The following RASSF3 variants were observed in gnomAD, a reference collection of about 807,000 sequenced individuals.
RASSF3 encodes ras association domain-containing protein 3.
RASSF3 carries 19 observed loss-of-function variants against 19.9 expected under a neutral mutation model. That is an observed-to-expected ratio of 0.96 (90% CI 0.67 to 1.40). RASSF3 has a LOEUF of 1.40. Ranked by LOEUF, RASSF3 falls within the 40% of genes most tolerant of loss-of-function variation. The probability of loss-of-function intolerance (pLI) is 0.00; values close to 1 mark genes in which losing one functional copy is unlikely to be tolerated. For synonymous variants in RASSF3, 110 were observed against 104.2 expected (o/e 1.06, Z -0.34); for missense variants, 306 against 289.8 (o/e 1.06, Z -0.41).
chr12:64,673,228 G>T (rs1872762706), intron 1 of RASSF3, among the ~76,000 whole-genome samples: 1 of 152,178 alleles, frequency 6.6e-6, no homozygotes, highest in Non-Finnish European at 1.5e-5. Context: ...GGAGATGTAT[G>T]GCTGCTGGGT....
intron 1 of RASSF3, among the ~76,000 whole-genome samples, chr12:64,639,022 C>T (rs1313363141): frequency 6.6e-6 from 1 of 152,164 alleles, no homozygotes; most frequent in Non-Finnish European, 1.5e-5. Flanking sequence ...CCTGGAACTG[C>T]TTAGTCATAG....
chr12:64,557,553 C>T (rs933291373), intron 2 of RASSF3, among the ~76,000 whole-genome samples: 2 of 152,142 alleles, frequency 1.3e-5, no homozygotes, highest in Non-Finnish European at 2.9e-5. Context: ...TCCAATTCTG[C>T]AGAGCCTAGA....
At chr12:64,624,683 G>A (rs899989741) in intron 1 of RASSF3, among the ~76,000 whole-genome samples, 1 of 152,026 alleles carries the variant, frequency 6.6e-6, no homozygotes, top group Admixed American at 6.5e-5. Flanking sequence ...TTCTTGAGAC[G>A]GAGTCTTGCT....
At chr12:64,528,011 C>T (rs1868626183) in intron 1 of RASSF3, among the ~76,000 whole-genome samples, 1 of 152,136 alleles carries the variant, frequency 6.6e-6, no homozygotes, top group Admixed American at 6.5e-5. Context: ...GTAATCCCAG[C>T]AAATTGGGAG....
At chr12:64,616,372 G>A (rs1256108760) in intron 1 of RASSF3, among the ~76,000 whole-genome samples, 1 of 152,158 alleles carries the variant, frequency 6.6e-6, no homozygotes, top group African/African-American at 2.4e-5. Flanking sequence ...GTCAGTGCAT[G>A]TCATACGGTT....
downstream of RASSF3, among the ~76,000 whole-genome samples, chr12:64,542,349 G>C (rs1424829794): frequency 1.3e-5 from 2 of 152,040 alleles, no homozygotes; most frequent in African/African-American, 4.8e-5. Flanking sequence ...CAAAACAAAA[G>C]AACCTGAGCA....
intron 1 of RASSF3, among the ~76,000 whole-genome samples, chr12:64,654,594 C>T (rs1025519338): frequency 1.5e-5 from 2 of 137,620 alleles, no homozygotes; most frequent in African/African-American, 5.5e-5. Flanking sequence ...CGCTTGAACC[C>T]AGGGGTTTGA....
At chr12:64,668,375 C>G (rs571554933) in intron 1 of RASSF3, among the ~76,000 whole-genome samples, 19 of 152,052 alleles carry the variant, frequency 1.2e-4, no homozygotes, top group African/African-American at 4.6e-4. Flanking sequence ...ACTTCACAGG[C>G]TCAATCAATT....
intron 1 of RASSF3, among the ~76,000 whole-genome samples, chr12:64,654,520 C>T (rs911954729): frequency 1.3e-5 from 2 of 151,616 alleles, no homozygotes; most frequent in Non-Finnish European, 2.9e-5. Context: ...ACTAATTCAC[C>T]GTGGCTGGGC....
At chr12:64,584,504 A>AG (rs1041336381) in intron 2 of RASSF3, among the ~76,000 whole-genome samples, 11 of 26,352 alleles carry the variant, frequency 4.2e-4, no homozygotes, top group African/African-American at 1.5e-3. Context: ...CCAGGCTAAG[A>AG]AAAAAAAAAA....
intron 2 of RASSF3, among the ~76,000 whole-genome samples, chr12:64,568,175 G>C (rs968492783): frequency 2.6e-5 from 4 of 152,172 alleles, no homozygotes; most frequent in Non-Finnish European, 4.4e-5. Context: ...GGGATTACAG[G>C]CGTGGGCCAC....
chr12:64,540,945 A>AT (rs536182432), intron 1 of RASSF3, among the ~76,000 whole-genome samples: 84 of 150,148 alleles, frequency 5.6e-4, no homozygotes, highest in Middle Eastern at 3.5e-3. Context: ...AAATTTTTGT[A>AT]TTTTTTTTGT....
chr12:64,667,556 G>T (rs887457009), intron 1 of RASSF3, among the ~76,000 whole-genome samples: 10 of 152,208 alleles, frequency 6.6e-5, no homozygotes, highest in Non-Finnish European at 1.5e-4. Flanking sequence ...TAAATGAACA[G>T]AAGTTCTGTC....
At chr12:64,544,818 C>A (rs1480661853), downstream of RASSF3, among the ~76,000 whole-genome samples, 1 of 152,148 alleles carries the variant, frequency 6.6e-6, no homozygotes. Context: ...TGCCCTCTGA[C>A]CAATGCTGAG....
chr12:64,532,327 G>T (rs1429965508), upstream of RASSF3, among the ~76,000 whole-genome samples: 1 of 151,876 alleles, frequency 6.6e-6, no homozygotes, highest in Non-Finnish European at 1.5e-5. Context: ...ACTGGGAATT[G>T]TGATCTAACC....
downstream of RASSF3, among the ~76,000 whole-genome samples, chr12:64,543,500 C>A (rs865917726): frequency 1.1e-3 from 73 of 67,076 alleles, 1 homozygote; most frequent in African/African-American, 3.2e-3. Context: ...CCCACTCCCC[C>A]ACACCCTCCC....
At chr12:64,675,270 C>T (rs1408434547) in intron 1 of RASSF3, among the ~76,000 whole-genome samples, 2 of 152,000 alleles carry the variant, frequency 1.3e-5, no homozygotes, top group Non-Finnish European at 1.5e-5. Flanking sequence ...GATTAAAAGT[C>T]GCTTAAGGTT....
intron 1 of RASSF3, among the ~76,000 whole-genome samples, chr12:64,521,797 C>G (rs1342633738): frequency 2.0e-5 from 3 of 152,104 alleles, no homozygotes; most frequent in Non-Finnish European, 4.4e-5. Context: ...TTCAGGAGCT[C>G]AAAGAGGGTA....
At chr12:64,550,294 A>G (rs1186270377) in intron 2 of RASSF3, among the ~76,000 whole-genome samples, 2 of 152,068 alleles carry the variant, frequency 1.3e-5, no homozygotes, top group African/African-American at 2.4e-5. Context: ...CGAGAAGGGG[A>G]AAGAAAGGGA....
Sources: gnomAD v4.1 joint callset for allele counts (sites outside exome capture counted in the v4.1 genomes callset) on GRCh38, gnomAD v4.1.1 for gene constraint, MANE v1.5 for transcripts, NCBI Gene and HGNC (gene_info 2026-07-23, HGNC 2026-07-21) for gene names.